The following EXOSC7 variants were observed in gnomAD, a reference collection of about 807,000 sequenced individuals.
EXOSC7 encodes the protein exosome component 7.
EXOSC7 carries 25 observed loss-of-function variants against 34.3 expected under a neutral mutation model. The observed-to-expected ratio is 0.73, with a 90% CI of 0.53 to 1.02. EXOSC7 has a LOEUF of 1.02. Ranked by LOEUF, EXOSC7 falls within the 50% of genes least tolerant of loss-of-function variation. EXOSC7 has a pLI of 0.00. For missense variants in EXOSC7, 370 were observed against 368.5 expected, an observed-to-expected ratio of 1.00 and a Z score of -0.03; for synonymous variants, 130 against 143.0, an observed-to-expected ratio of 0.91 and a Z score of 0.65.
chr3:44,986,619 C>T lies in EXOSC7; in HGVS notation c.58-2521C>T, dbSNP rs536990798. ...GCCCAGGCAGAGGAGGTGCCGAGAG[C>T]AAGCGAGGGCTGTGAGGGCTGCCAG... On this transcript the variant is annotated intron_variant, in intron 1 of 7. Coordinates refer to ENST00000265564, the MANE Select transcript of EXOSC7 (RefSeq NM_015004.4). Among the ~76,000 whole-genome samples, 255 of 152,342 alleles carry T rather than the reference C, an allele frequency of 1.7e-3. 2 individuals are homozygous for T. The highest frequency in any genetic ancestry group is 5.2e-3 in the African/African-American group (217 of 41,590).
chr3:44,993,240 G>A (rs1706620079), intron 3 of EXOSC7, among the ~76,000 whole-genome samples: 1 of 152,090 alleles, frequency 6.6e-6, no homozygotes, highest in South Asian at 2.1e-4. Flanking sequence ...CTATTGGTCT[G>A]GTACCCATTT....
intron 7 of EXOSC7, among the ~76,000 whole-genome samples, chr3:45,010,903 G>C (rs1026541651): frequency 2.6e-5 from 4 of 152,226 alleles, no homozygotes; most frequent in African/African-American, 7.2e-5. Flanking sequence ...AGATTTGATT[G>C]ACAACTTTGT....
chr3:44,988,194 A>G (rs1278253174), intron 1 of EXOSC7, among the ~76,000 whole-genome samples: 2 of 152,250 alleles, frequency 1.3e-5, no homozygotes, highest in African/African-American at 4.8e-5. Context: ...CTTGTGTTGC[A>G]GAAAGTAGAT....
chr3:45,006,675 C>T (rs1402022068), intron 6 of EXOSC7, among the ~76,000 whole-genome samples: 1 of 152,020 alleles, frequency 6.6e-6, no homozygotes, highest in East Asian at 1.9e-4. Context: ...CTCGGCCTCC[C>T]AAAGTGCTGG....
At chr3:44,989,377 G>A (rs2271926) in intron 2 of EXOSC7, 136 bp downstream of exon 2, 2 of 820,342 alleles carry the variant, frequency 2.4e-6, no homozygotes, top group Non-Finnish European at 4.0e-6. Flanking sequence ...ACTCAGGGAG[G>A]GGGGGTCTAT....
chr3:44,981,869 G>C (rs1046678911), intron 1 of EXOSC7, among the ~76,000 whole-genome samples: 1 of 152,158 alleles, frequency 6.6e-6, no homozygotes, highest in Non-Finnish European at 1.5e-5. Context: ...GGGTGACAGA[G>C]AGATACTCTG....
intron 3 of EXOSC7, among the ~76,000 whole-genome samples, chr3:44,990,477 C>G (rs188782996): frequency 6.6e-6 from 1 of 152,210 alleles, no homozygotes; most frequent in East Asian, 1.9e-4. Context: ...GCCAGGCCTT[C>G]TTGAAGTGGG....
chr3:44,980,875 A>G (rs941264300), intron 1 of EXOSC7, among the ~76,000 whole-genome samples: 7 of 152,222 alleles, frequency 4.6e-5, no homozygotes, highest in Non-Finnish European at 1.0e-4. Context: ...TTGTCTTACT[A>G]GTATCATAAA....
At position 45,007,400 on chromosome 3, in the gene EXOSC7, C is replaced by T. The variant is rs117639112; in HGVS notation, c.616-20C>T. On this transcript the variant is annotated intron_variant, in intron 6 of 7. Transcript: ENST00000265564. ...GGGGCCTGCGTGACCCACCGTGTGC[C>T]ACGCACCCTGCCTTTGCAGATTGGC... 1,548 of 1,613,466 alleles carry T rather than the reference C, an allele frequency of 9.6e-4. 47 individuals are homozygous for T. In the East Asian group the frequency reaches 0.034, roughly 35 times the overall value.
At chr3:45,000,012 A>G (rs1706831102) in intron 4 of EXOSC7, among the ~76,000 whole-genome samples, 1 of 152,200 alleles carries the variant, frequency 6.6e-6, no homozygotes, top group Admixed American at 6.5e-5. Flanking sequence ...ACTTACTTCA[A>G]ACCTATTACA....
intron 1 of EXOSC7, among the ~76,000 whole-genome samples, chr3:44,985,061 T>A (rs1195726669): frequency 6.6e-6 from 1 of 152,230 alleles, no homozygotes; most frequent in Non-Finnish European, 1.5e-5. Context: ...GAACTTCTTG[T>A]CAATAACCTT....
At chr3:44,991,940 T>G (rs892415218) in intron 3 of EXOSC7, among the ~76,000 whole-genome samples, 3 of 152,146 alleles carry the variant, frequency 2.0e-5, no homozygotes, top group Non-Finnish European at 4.4e-5. Context: ...GCCGGGCAAG[T>G]AGAATCACCA....
At chr3:44,988,933 A>G (rs1419429433) in intron 1 of EXOSC7, among the ~76,000 whole-genome samples, 2 of 152,220 alleles carry the variant, frequency 1.3e-5, no homozygotes, top group Non-Finnish European at 2.9e-5. Context: ...AGGACCTTGG[A>G]CAAGTCGCTC....
At chr3:44,997,477 A>C (rs1416923009) in intron 4 of EXOSC7, among the ~76,000 whole-genome samples, 2 of 152,222 alleles carry the variant, frequency 1.3e-5, no homozygotes, top group Non-Finnish European at 2.9e-5. Context: ...AATTATAGTC[A>C]TATCATGATA....
At chr3:45,008,605 GGTT>G (rs1707121303) in intron 7 of EXOSC7, among the ~76,000 whole-genome samples, 1 of 152,182 alleles carries the variant, frequency 6.6e-6, no homozygotes, top group Admixed American at 6.5e-5. Context: ...ACACTGCTGA[GGTT>G]GTTATTAGGA....
rs556676942 is a variant in EXOSC7, at chr3:45,007,950, C to T, written c.771+375C>T. On this transcript the variant is annotated intron_variant, in intron 7 of 7. Coordinates refer to ENST00000265564, the MANE Select transcript of EXOSC7 (RefSeq NM_015004.4). Reference sequence around the variant, plus strand: ...GAATTCTTGGCTCACTGCTTCCTGTCCCTAGAAGTGGGTGAGTAAAGGTGG... The same window carrying T: ...GAATTCTTGGCTCACTGCTTCCTGTTCCTAGAAGTGGGTGAGTAAAGGTGG... Among the ~76,000 whole-genome samples, 20 of 152,176 alleles carry T rather than the reference C, an allele frequency of 1.3e-4. 1 individual carries two copies. Among genetic ancestry groups the T allele is most frequent in the Non-Finnish European group, 2.6e-4 (18 of 68,034 alleles).
chr3:44,999,951 G>T lies in EXOSC7; in HGVS notation c.421-1587G>T, dbSNP rs545855025. 9.3e-4 allele frequency among the ~76,000 whole-genome samples: 141 copies of T among 152,288 alleles called. 1 individual carries two copies. The highest frequency in any genetic ancestry group is 2.5e-3 in the African/African-American group (106 of 41,570). ...CTGGTCTGGTTAGTCCTCAGACAGA[G>T]CCCATGTTCAAACAGATATTTGCTG... On this transcript the variant is annotated intron_variant, in intron 4 of 7. Coordinates refer to ENST00000265564, the MANE Select transcript of EXOSC7 (RefSeq NM_015004.4).
chr3:44,981,093 C>T (rs1017967794), intron 1 of EXOSC7, among the ~76,000 whole-genome samples: 1 of 152,184 alleles, frequency 6.6e-6, no homozygotes, highest in African/African-American at 2.4e-5. Context: ...TGAGGCTTTA[C>T]CCCAACATTC....
At chr3:45,004,340 C>T (rs1706969093) in intron 5 of EXOSC7, 1 of 152,044 alleles carries the variant, frequency 6.6e-6, no homozygotes, top group African/African-American at 2.4e-5. Context: ...ACTGCAACCT[C>T]CACTTCCCAG....
Sources: gnomAD v4.1 joint callset for allele counts (sites outside exome capture counted in the v4.1 genomes callset) on GRCh38, gnomAD v4.1.1 for gene constraint, MANE v1.5 for transcripts, NCBI Gene and HGNC (gene_info 2026-07-23, HGNC 2026-07-21) for gene names.